PEX7: variants seen among roughly 807,000 people sequenced by gnomAD.
PEX7 encodes peroxisomal biogenesis factor 7, also known as PTS2 receptor.
In PEX7, 34 loss-of-function variants were observed where a neutral mutation model predicts 47.5. That is an observed-to-expected ratio of 0.72 (90% CI 0.54 to 0.95). The LOEUF (loss-of-function observed/expected upper bound fraction) is 0.95. Ranked by LOEUF, PEX7 falls within the 40% of genes least tolerant of loss-of-function variation. PEX7 has a pLI of 0.00. For synonymous variants in PEX7, 141 were observed against 148.8 expected, an observed-to-expected ratio of 0.95 and a Z score of 0.38; for missense variants, 394 against 400.3, an observed-to-expected ratio of 0.98 and a Z score of 0.13.
At chr6:136,832,368 A>G (rs1456451882) in intron 3 of PEX7, among the ~76,000 whole-genome samples, 4 of 152,112 alleles carry the variant, frequency 2.6e-5, no homozygotes, top group Non-Finnish European at 5.9e-5. Flanking sequence ...GGCCCACAAA[A>G]CCATTTTTCC....
chr6:136,899,457 T>C (rs1039421460), intron 9 of PEX7, among the ~76,000 whole-genome samples: 1 of 152,176 alleles, frequency 6.6e-6, no homozygotes. Flanking sequence ...TTGACTAGGC[T>C]GGTCTCAAAC....
intron 9 of PEX7, among the ~76,000 whole-genome samples, chr6:136,911,105 C>A (rs1283263221): frequency 6.6e-6 from 1 of 151,996 alleles, no homozygotes. Flanking sequence ...CTGGGAAAGC[C>A]CCCAGTTTCC....
chr6:136,911,535 A>AACT (rs1198779746), intron 9 of PEX7, among the ~76,000 whole-genome samples: 2 of 151,890 alleles, frequency 1.3e-5, no homozygotes, highest in Non-Finnish European at 2.9e-5. Context: ...CCTCCCTAGT[A>AACT]GCTGGGATTA....
intron 8 of PEX7, among the ~76,000 whole-genome samples, chr6:136,897,183 C>G (rs116639326): frequency 7.3e-4 from 111 of 152,298 alleles, no homozygotes; most frequent in African/African-American, 2.6e-3. Flanking sequence ...AATAATACCA[C>G]CAGGTTAAAC....
intron 3 of PEX7, among the ~76,000 whole-genome samples, 176 bp downstream of exon 3, chr6:136,826,645 G>A (rs554609660): frequency 2.5e-4 from 38 of 151,036 alleles, no homozygotes; most frequent in Admixed American, 2.5e-3. Context: ...GTACCTCTTG[G>A]CCTAAGGAGT....
At chr6:136,904,812 C>G (rs1178051632) in intron 9 of PEX7, among the ~76,000 whole-genome samples, 1 of 152,058 alleles carries the variant, frequency 6.6e-6, no homozygotes, top group African/African-American at 2.4e-5. Flanking sequence ...AATACATACC[C>G]CTTGCAATTA....
At chr6:136,890,239 C>G (rs1269532983) in intron 8 of PEX7, among the ~76,000 whole-genome samples, 1 of 152,146 alleles carries the variant, frequency 6.6e-6, no homozygotes, top group East Asian at 1.9e-4. Flanking sequence ...CCTTATCTTT[C>G]TCCAGTATAT....
chr6:136,902,444 C>T (rs571158784), intron 9 of PEX7, among the ~76,000 whole-genome samples: 2 of 152,300 alleles, frequency 1.3e-5, no homozygotes, highest in African/African-American at 4.8e-5. Flanking sequence ...TTCTTCTTAA[C>T]AGAATGTAAG....
chr6:136,904,947 T>C (rs1775819088), intron 9 of PEX7, among the ~76,000 whole-genome samples: 1 of 152,190 alleles, frequency 6.6e-6, no homozygotes, highest in Non-Finnish European at 1.5e-5. Context: ...ACATACTGAC[T>C]AGGCACACTT....
At chr6:136,836,367 G>A (rs1166894425) in intron 3 of PEX7, among the ~76,000 whole-genome samples, 1 of 151,916 alleles carries the variant, frequency 6.6e-6, no homozygotes, top group Non-Finnish European at 1.5e-5. Context: ...TTGAAAGAGG[G>A]GGTAAGGTAG....
chr6:136,866,497 AAGTCTG>A, intron 5 of PEX7, 124 bp from the exon 6 acceptor site: 1 of 746,646 alleles, frequency 1.3e-6, no homozygotes, highest in Non-Finnish European at 2.4e-6. Context: ...TTTAAAAAAT[AAGTCTG>A]AAGGTGGCAA....
intron 8 of PEX7, among the ~76,000 whole-genome samples, chr6:136,878,142 G>A (rs1050670347): frequency 6.6e-6 from 1 of 152,104 alleles, no homozygotes; most frequent in South Asian, 2.1e-4. Flanking sequence ...TGTGATTTTT[G>A]CACATTGATT....
At chr6:136,824,195 T>G (rs1202726507) in intron 1 of PEX7, among the ~76,000 whole-genome samples, 1 of 151,894 alleles carries the variant, frequency 6.6e-6, no homozygotes, top group African/African-American at 2.4e-5. Context: ...TAGTTTTCTT[T>G]TTTTCTTTTT....
At chr6:136,906,555 G>A (rs1775848478) in intron 9 of PEX7, among the ~76,000 whole-genome samples, 2 of 151,666 alleles carry the variant, frequency 1.3e-5, no homozygotes, top group Admixed American at 1.3e-4. Flanking sequence ...AAAATATACA[G>A]GACTCCAGAT....
chr6:136,843,457 C>T (rs570030907), intron 3 of PEX7, among the ~76,000 whole-genome samples: 14 of 152,234 alleles, frequency 9.2e-5, no homozygotes, highest in South Asian at 6.2e-4. Flanking sequence ...TCAAGCCATG[C>T]GCATTCATTC....
At chr6:136,911,768 T>C (rs1379019114) in intron 9 of PEX7, among the ~76,000 whole-genome samples, 1 of 152,226 alleles carries the variant, frequency 6.6e-6, no homozygotes, top group Non-Finnish European at 1.5e-5. Flanking sequence ...CTACATTGTT[T>C]TGCAAACATA....
At chr6:136,896,956 T>C (rs946777998) in intron 8 of PEX7, among the ~76,000 whole-genome samples, 1 of 152,230 alleles carries the variant, frequency 6.6e-6, no homozygotes. Flanking sequence ...TGGAGACCAC[T>C]ATTAGGATTT....
chr6:136,855,232 G>A (rs1432359921), intron 5 of PEX7, among the ~76,000 whole-genome samples: 1 of 152,088 alleles, frequency 6.6e-6, no homozygotes, highest in South Asian at 2.1e-4. Context: ...GTATTAGTAA[G>A]TACAATTCCT....
chr6:136,891,705 A>T, intron 8 of PEX7, among the ~76,000 whole-genome samples: 1 of 150,260 alleles, frequency 6.7e-6, no homozygotes. Context: ...CTCACTGCAG[A>T]TCACGGTTCA....
Sources: gnomAD v4.1 joint callset for allele counts (sites outside exome capture counted in the v4.1 genomes callset) on GRCh38, gnomAD v4.1.1 for gene constraint, MANE v1.5 for transcripts, NCBI Gene and HGNC (gene_info 2026-07-23, HGNC 2026-07-21) for gene names.